The following KCNQ1 variants were observed in gnomAD, a reference collection of about 807,000 sequenced individuals.
KCNQ1 encodes potassium voltage-gated channel subfamily KQT member 1.
A neutral mutation model predicts 72.4 loss-of-function variants in KCNQ1; 49 were observed. The ratio of observed to expected loss-of-function variants is 0.68; its 90% CI spans 0.54 to 0.86. The LOEUF is 0.86. Among genes scored for constraint, KCNQ1 ranks in the 40% least tolerant of loss-of-function variants. The pLI, the probability that KCNQ1 is intolerant of heterozygous loss-of-function variation, is 0.00. For missense variants in KCNQ1, 790 were observed against 945.1 expected, an observed-to-expected ratio of 0.84 and a Z score of 2.15; for synonymous variants, 450 against 412.6, an observed-to-expected ratio of 1.09 and a Z score of -1.10.
chr11:2,768,600 G>C lies in KCNQ1; in HGVS notation c.1515-244G>C, dbSNP rs1846536330. On this transcript the variant is annotated intron_variant, in intron 11 of 15. Transcript: ENST00000155840. The surrounding 1 kb of genome is among the most constrained non-coding windows in gnomAD (Gnocchi z 6.7). ...TGACCCCCTTCTGAATGACACTCAA[G>C]GTAAGGGTCCCCTTCCCACTCACAG... Among the ~76,000 whole-genome samples, 1 of 152,182 alleles carries C rather than the reference G, an allele frequency of 6.6e-6. No individual in the cohort carries two copies. Among genetic ancestry groups the C allele is most frequent in the Non-Finnish European group, 1.5e-5 (1 of 68,032 alleles).
chr11:2,531,163 C>A (rs916355297), intron 2 of KCNQ1, among the ~76,000 whole-genome samples: 2 of 151,096 alleles, frequency 1.3e-5, no homozygotes, highest in Non-Finnish European at 3.0e-5. Context: ...CCTGCAGGGA[C>A]CTTCAGACGT....
At chr11:2,765,723 T>G (rs1396200451) in intron 11 of KCNQ1, among the ~76,000 whole-genome samples, 1 of 152,242 alleles carries the variant, frequency 6.6e-6, no homozygotes, top group East Asian at 1.9e-4. Flanking sequence ...TAGGACATAT[T>G]CTTCTTTAGT....
In KCNQ1 at chr11:2,473,300, T is replaced by A. The variant is rs982932342; in HGVS notation, c.386+27816T>A. Among the ~76,000 whole-genome samples the A allele has an allele frequency of 1.3e-5, 2 of 152,000 alleles. No individual in the cohort carries two copies. Among genetic ancestry groups the A allele is most frequent in the African/African-American group, 4.8e-5 (2 of 41,380 alleles). On this transcript the variant is annotated intron_variant, in intron 1 of 15. Transcript: ENST00000155840. This position sits in a 1 kb window ranked among gnomAD's most constrained non-coding sequence, Gnocchi z 6.0. ...TATAATAAATGGAAGAAAATAGTGG[T>A]TGGGGGCTTGCTGGGGACTCAGGGA...
chr11:2,641,583 G>A (rs994325071), intron 10 of KCNQ1: 2 of 398,298 alleles, frequency 5.0e-6, no homozygotes, highest in African/African-American at 4.1e-5. Context: ...CCATTCAACA[G>A]GCTGTCTCTT....
intron 15 of KCNQ1, among the ~76,000 whole-genome samples, chr11:2,795,989 C>T (rs1385115713): frequency 6.6e-6 from 1 of 152,162 alleles, no homozygotes; most frequent in African/African-American, 2.4e-5. Flanking sequence ...CAGGGACACC[C>T]TTTGTGTTTT....
At position 2,676,146 on chromosome 11, in the gene KCNQ1, G is replaced by GT. The variant is rs1464851259; in HGVS notation, c.1514+14066dup. The GT allele has an allele frequency of 1.0e-5, 4 of 398,486 alleles. No individual in the cohort carries two copies. The highest frequency in any genetic ancestry group is 1.8e-5 in the Non-Finnish European group (4 of 226,064). 24.7% of individuals were successfully genotyped at this position (398,486 alleles called of 1,614,324 possible). On this transcript the variant is annotated intron_variant, in intron 11 of 15. Transcript: ENST00000155840. This position sits in a 1 kb window ranked among gnomAD's most constrained non-coding sequence, Gnocchi z 4.2. ...CTTTTTATACAAATGGTAGCATACT[G>GT]TATGTATTTTTCTACACTTTGCCTT...
chr11:2,667,429 C>G (rs967967074), intron 11 of KCNQ1: 1 of 398,618 alleles, frequency 2.5e-6, no homozygotes, highest in Admixed American at 4.4e-5. Context: ...GAACTCCCAG[C>G]CATGATGCTG....
chr11:2,580,144 G>A lies in KCNQ1; in HGVS notation c.922-3291G>A, dbSNP rs187003697. 4.6e-5 allele frequency among the ~76,000 whole-genome samples: 7 copies of A among 152,228 alleles called. No homozygotes were observed. In the East Asian group the frequency reaches 7.7e-4, roughly 17 times the overall value. The stretch of plus-strand genomic sequence containing the variant: ...GCCTGGGTTTGCTGGCGCCCCTTAC[G>A]CTTGGCACGCAAGGCAGGAGCTCCC... On this transcript the variant is annotated intron_variant, in intron 6 of 15. Coordinates refer to ENST00000155840, the MANE Select transcript of KCNQ1 (RefSeq NM_000218.3).
chr11:2,596,308 C>T (rs1264160628), intron 10 of KCNQ1, among the ~76,000 whole-genome samples: 1 of 152,114 alleles, frequency 6.6e-6, no homozygotes, highest in African/African-American at 2.4e-5. Context: ...ACATACCTAC[C>T]ATATTCTACA....
chr11:2,819,205 G>A (rs1370144487), intron 15 of KCNQ1, among the ~76,000 whole-genome samples: 2 of 152,254 alleles, frequency 1.3e-5, no homozygotes, highest in Non-Finnish European at 2.9e-5. Flanking sequence ...CTCCTCCCAA[G>A]GGCTGTGGCC....
chr11:2,836,986 C>T (rs1050977226), intron 15 of KCNQ1, among the ~76,000 whole-genome samples: 2 of 152,140 alleles, frequency 1.3e-5, no homozygotes, highest in Non-Finnish European at 2.9e-5. Flanking sequence ...ACATGTGAGG[C>T]GTTCACAGAA....
chr11:2,530,772 C>T (rs563235626), intron 2 of KCNQ1, among the ~76,000 whole-genome samples: 17 of 152,230 alleles, frequency 1.1e-4, no homozygotes, highest in African/African-American at 3.9e-4. Context: ...TTGTAGTGTG[C>T]GCCTGTGAGC....
chr11:2,784,665 G>A lies in KCNQ1; in HGVS notation c.1794+6628G>A, dbSNP rs1390661371. On this transcript the variant is annotated intron_variant, in intron 15 of 15. Coordinates refer to ENST00000155840, the MANE Select transcript of KCNQ1 (RefSeq NM_000218.3). The surrounding 1 kb of genome is among the most constrained non-coding windows in gnomAD (Gnocchi z 4.7). ...ATTGAGTATTGTAATCAATGAACATGGTATATCCCTCCATTTATTTGATCT... is the reference window on the plus strand; with the variant it reads ...ATTGAGTATTGTAATCAATGAACATAGTATATCCCTCCATTTATTTGATCT... 6.6e-6 allele frequency among the ~76,000 whole-genome samples: 1 copy of A among 151,920 alleles called. No homozygotes were observed. Among genetic ancestry groups the A allele is most frequent in the South Asian group, 2.1e-4 (1 of 4,824 alleles).
intron 11 of KCNQ1, chr11:2,692,717 G>C (rs1166241246): frequency 2.5e-6 from 1 of 398,558 alleles, no homozygotes; most frequent in African/African-American, 2.1e-5. Flanking sequence ...TGGGAGGGTA[G>C]GCAGGTCCCT....
intron 10 of KCNQ1, chr11:2,633,901 T>G (rs1014926977): frequency 5.0e-6 from 2 of 398,520 alleles, no homozygotes; most frequent in Admixed American, 4.4e-5. Flanking sequence ...TTTTCACTTT[T>G]GTGAATATTG....
rs1846455866 is a variant in KCNQ1, at chr11:2,471,492, G to A, written c.386+26008G>A. Among the ~76,000 whole-genome samples, 1 of 152,264 alleles carries A rather than the reference G, an allele frequency of 6.6e-6. No homozygotes were observed. Among genetic ancestry groups the A allele is most frequent in the Non-Finnish European group, 1.5e-5 (1 of 68,054 alleles). On this transcript the variant is annotated intron_variant, in intron 1 of 15. Transcript: ENST00000155840. The surrounding 1 kb of genome is among the most constrained non-coding windows in gnomAD (Gnocchi z 4.8). The stretch of plus-strand genomic sequence containing the variant: ...CGCCCCACACACCACCAGGTCCCCA[G>A]GACTTGGAGGATGCTGATGGCCCAG...
Position 2,720,500 on chromosome 11 carries a change from C to T in KCNQ1, c.1515-48344C>T, listed in dbSNP as rs559509969. On this transcript the variant is annotated intron_variant, in intron 11 of 15. Coordinates refer to ENST00000155840, the MANE Select transcript of KCNQ1 (RefSeq NM_000218.3). The surrounding 1 kb of genome is among the most constrained non-coding windows in gnomAD (Gnocchi z 5.1). ...CCCTCGAAGCTCACCTGGCCTCTCT[C>T]TGTAAGGGGAGAGGGACCCAGGGCT... 1.3e-5 allele frequency among the ~76,000 whole-genome samples: 2 copies of T among 152,300 alleles called. No homozygotes were observed. Among genetic ancestry groups the T allele is most frequent in the East Asian group, 3.9e-4 (2 of 5,168 alleles).
chr11:2,633,103 C>G (rs1045520767), intron 10 of KCNQ1: 3 of 398,334 alleles, frequency 7.5e-6, no homozygotes, highest in Non-Finnish European at 1.3e-5. Context: ...TTGAAAACAG[C>G]CATTCTAACT....
At chr11:2,730,138 G>A (rs1845828720) in intron 11 of KCNQ1, among the ~76,000 whole-genome samples, 2 of 152,186 alleles carry the variant, frequency 1.3e-5, no homozygotes, top group South Asian at 4.1e-4. Flanking sequence ...AGCCAAGAAT[G>A]GACCACTGAG....
Sources: gnomAD v4.1 joint callset for allele counts (sites outside exome capture counted in the v4.1 genomes callset) on GRCh38, gnomAD v4.1.1 for gene constraint, Gnocchi (gnomAD v3.1) non-coding constraint, MANE v1.5 for transcripts, NCBI Gene and HGNC (gene_info 2026-07-23, HGNC 2026-07-21) for gene names.